The following L3MBTL2 variants were observed in gnomAD, a reference collection of about 807,000 sequenced individuals.
L3MBTL2 encodes the protein lethal(3)malignant brain tumor-like protein 2.
A neutral mutation model predicts 86.4 loss-of-function variants in L3MBTL2; 49 were observed. The observed-to-expected ratio is 0.57, with a 90% CI of 0.45 to 0.72. The LOEUF (loss-of-function observed/expected upper bound fraction) is 0.72, where lower values mean the gene tolerates loss of function less well. Among genes scored for constraint, L3MBTL2 ranks in the 30% least tolerant of loss-of-function variants. The pLI is 0.00. For synonymous variants in L3MBTL2, 336 were observed against 350.6 expected (o/e 0.96, Z 0.47); for missense variants, 755 against 923.7 (o/e 0.82, Z 2.37).
In L3MBTL2 at chr22:41,223,976, A is replaced by AGAGCCCT. The variant is rs748075801; in HGVS notation, c.943-38_943-32dup. The stretch of plus-strand genomic sequence containing the variant: ...CACCAGAGCAGGAGGGTGGGTGGGA[A>AGAGCCCT]GAGCCCTGAGCCATAGCAGGCCTGT... On this transcript the variant is annotated intron_variant, in intron 8 of 16. Coordinates refer to ENST00000216237, the MANE Select transcript of L3MBTL2 (RefSeq NM_031488.5). The AGAGCCCT allele has an allele frequency of 4.1e-5, 62 of 1,494,364 alleles. 1 individual carries two copies. The highest frequency in any genetic ancestry group is 5.4e-5 in the Non-Finnish European group (58 of 1,072,496). 92.6% of individuals were successfully genotyped at this position (1,494,364 alleles called of 1,614,324 possible).
intron 15 of L3MBTL2, 124 bp from the exon 16 acceptor site, chr22:41,229,416 T>G: frequency 9.4e-7 from 1 of 1,060,098 alleles, no homozygotes; most frequent in Non-Finnish European, 1.3e-6. Flanking sequence ...GAGTCCAGGC[T>G]TTCTGTCCCC....
chr22:41,211,480 C>T lies in L3MBTL2; in HGVS notation c.262+1547C>T, dbSNP rs554025201. Among the ~76,000 whole-genome samples the T allele has an allele frequency of 3.4e-4, 51 of 151,920 alleles. 2 individuals carry two copies. The South Asian group carries it at 0.01, about 30-fold the overall frequency. The stretch of plus-strand genomic sequence containing the variant: ...TCAGCCTCCCAAAGTGCTAGGATTA[C>T]AGGCATGAGCCACCGCACCCAGCCC... On this transcript the variant is annotated intron_variant, in intron 2 of 16. Transcript: ENST00000216237.
At chr22:41,205,752 T>C in intron 1 of L3MBTL2, among the ~76,000 whole-genome samples, 1 of 152,058 alleles carries the variant, frequency 6.6e-6, no homozygotes, top group East Asian at 1.9e-4. Context: ...TAAAGTTGGG[T>C]GAACATCACT....
rs2032265330 is a variant in L3MBTL2, at chr22:41,227,438, G to A, written c.1822+115G>A. On this transcript the variant is annotated intron_variant, in intron 14 of 16. Transcript: ENST00000216237. This position sits in a 1 kb window ranked among gnomAD's most constrained non-coding sequence, Gnocchi z 6.0. Reference sequence around the variant, plus strand: ...TGGCATGAGGTGGAGATGTCTCATGGACCACTTTAAGTAGAGAGTGAGCCC... The same window carrying A: ...TGGCATGAGGTGGAGATGTCTCATGAACCACTTTAAGTAGAGAGTGAGCCC... 4.1e-6 allele frequency: 5 copies of A among 1,220,792 alleles called. No homozygotes were observed. Among genetic ancestry groups the A allele is most frequent in the Middle Eastern group, 1.9e-4 (1 of 5,356 alleles). 75.6% of individuals were successfully genotyped at this position (1,220,792 alleles called of 1,614,324 possible).
chr22:41,227,660 G>T lies in L3MBTL2; in HGVS notation c.1823-144G>T. ...GTTCTCCGGCCCCTCCTCCAGCCCCGCCCTCTCCTCATTGCCCAGGTTTGG... is the reference window on the plus strand; with the variant it reads ...GTTCTCCGGCCCCTCCTCCAGCCCCTCCCTCTCCTCATTGCCCAGGTTTGG... On this transcript the variant is annotated intron_variant, in intron 14 of 16. Coordinates refer to ENST00000216237, the MANE Select transcript of L3MBTL2 (RefSeq NM_031488.5). This position sits in a 1 kb window ranked among gnomAD's most constrained non-coding sequence, Gnocchi z 6.0. The T allele has an allele frequency of 6.4e-7, 1 of 1,562,232 alleles. No homozygotes were observed. Among genetic ancestry groups the T allele is most frequent in the Non-Finnish European group, 8.7e-7 (1 of 1,153,186 alleles).
In L3MBTL2 at chr22:41,227,227, G is replaced by C. The variant is rs762696237; in HGVS notation, c.1726G>C (p.Glu576Gln). 1.9e-6 allele frequency: 3 copies of C among 1,613,384 alleles called. No individual in the cohort carries two copies. Among genetic ancestry groups the C allele is most frequent in the Non-Finnish European group, 2.5e-6 (3 of 1,179,980 alleles). ...CATCCACTTTGACGGCTGGGACAGC[G>C]AGTACGACCAGTGGGTGGACTGCGA... The part of the protein sequence containing the change: ...LSIHFDGWDS[E>Q]YDQWVDCESP... Residue 576 changes from glutamate (E) to glutamine (Q), a missense_variant, in exon 14 of 17, where the codon GAG becomes CAG. Glu to Gln is a conservative substitution (Grantham distance 29, BLOSUM62 2). Coordinates refer to ENST00000216237, the MANE Select transcript of L3MBTL2 (RefSeq NM_031488.5). This position sits in a 1 kb window ranked among gnomAD's most constrained non-coding sequence, Gnocchi z 6.0.
At chr22:41,219,300 C>T (rs1358043694) in intron 5 of L3MBTL2, 119 bp from the exon 6 acceptor site, 4 of 734,514 alleles carry the variant, frequency 5.4e-6, no homozygotes, top group Non-Finnish European at 9.9e-6. Context: ...GTTCTGCACA[C>T]AGTGGGTGAT....
chr22:41,226,685 T>C lies in L3MBTL2; in HGVS notation c.1528T>C (p.Trp510Arg). ...AGGTTATGAGGCACAGACTTTCAAC[T>C]GGGAGAACTACTTGGAGAAGACCAA... ...PKGYEAQTFNWENYLEKTKSK... is the reference protein window; with the variant it reads ...PKGYEAQTFNRENYLEKTKSK... Residue 510 changes from tryptophan to arginine, a missense_variant, in exon 13 of 17, where the codon TGG becomes CGG. Physicochemically the swap from Trp to Arg is moderately radical, Grantham distance 101. This residue lies in a region of L3MBTL2 where 634 missense variants were observed against 748.9 expected (regional missense o/e 0.85). Transcript: ENST00000216237. The C allele has an allele frequency of 1.2e-6, 2 of 1,613,886 alleles. No individual in the cohort carries two copies. The highest frequency in any genetic ancestry group is 1.7e-6 in the Non-Finnish European group (2 of 1,179,788).
rs9623351 is a variant in L3MBTL2 at position 41,228,931 on chromosome 22, G to A, written c.1889-609G>A. Among the ~76,000 whole-genome samples, 416 of 152,146 alleles carry A rather than the reference G, an allele frequency of 2.7e-3. 2 individuals are homozygous for A. Among genetic ancestry groups the A allele is most frequent in the African/African-American group, 9.5e-3 (393 of 41,488 alleles). On this transcript the variant is annotated intron_variant, in intron 15 of 16. Transcript: ENST00000216237. ...TCTGTACCATTCAAACGGTAGGACCGGGAATGGTGCATGTTGTGGGAAGAA... is the reference window on the plus strand; with the variant it reads ...TCTGTACCATTCAAACGGTAGGACCAGGAATGGTGCATGTTGTGGGAAGAA...
At position 41,227,026 on chromosome 22, in the gene L3MBTL2, G is replaced by A. The variant is rs921924040; in HGVS notation, c.1588-63G>A. On this transcript the variant is annotated intron_variant, in intron 13 of 16. Transcript: ENST00000216237. The surrounding 1 kb of genome is among the most constrained non-coding windows in gnomAD (Gnocchi z 6.0). ...CCAGTTCTTCAAGTGCCTCCGGGCC[G>A]GGGCAAGCCTGCTGGGGTAGGGAGC... 5.5e-5 allele frequency: 79 copies of A among 1,443,094 alleles called. No homozygotes were observed. The highest frequency in any genetic ancestry group is 2.2e-4 in the Admixed American group (11 of 50,888). The allele number at this position is 1,443,094 out of a possible 1,614,324, so 89.4% of individuals were successfully genotyped here.
chr22:41,215,474 T>C (rs1013893314), intron 3 of L3MBTL2, among the ~76,000 whole-genome samples: 1 of 152,242 alleles, frequency 6.6e-6, no homozygotes, highest in African/African-American at 2.4e-5. Flanking sequence ...TGTTTGGGAC[T>C]TAAACCCAGA....
chr22:41,221,586 A>G (rs2031821536), intron 8 of L3MBTL2, among the ~76,000 whole-genome samples: 2 of 152,146 alleles, frequency 1.3e-5, no homozygotes, highest in African/African-American at 4.8e-5. Flanking sequence ...AGAAGTGTTC[A>G]CTCAATAGAT....
intron 1 of L3MBTL2, 39 bp downstream of exon 1, chr22:41,205,425 C>T: frequency 6.2e-7 from 1 of 1,612,218 alleles, no homozygotes; most frequent in Non-Finnish European, 8.5e-7. Context: ...GGAAAGGGAA[C>T]TCCGAGAGCC....
At chr22:41,222,487 A>G (rs2031892718) in intron 8 of L3MBTL2, among the ~76,000 whole-genome samples, 1 of 152,202 alleles carries the variant, frequency 6.6e-6, no homozygotes, top group South Asian at 2.1e-4. Context: ...AAAGTCACAT[A>G]TATACATGGT....
At chr22:41,212,754 G>A (rs2030992833) in intron 2 of L3MBTL2, among the ~76,000 whole-genome samples, 1 of 151,778 alleles carries the variant, frequency 6.6e-6, no homozygotes, top group East Asian at 1.9e-4. Flanking sequence ...AATTAGCCAG[G>A]CGTGGTGGCA....
Position 41,225,124 on chromosome 22 carries a change from T to C in L3MBTL2, c.1356+53T>C, listed in dbSNP as rs2032090542. The C allele has an allele frequency of 1.4e-6, 2 of 1,468,254 alleles. No homozygotes were observed. The highest frequency in any genetic ancestry group is 1.4e-5 in the African/African-American group (1 of 71,888). 91.0% of individuals were successfully genotyped at this position (1,468,254 alleles called of 1,614,324 possible). On this transcript the variant is annotated intron_variant, in intron 11 of 16. Coordinates refer to ENST00000216237, the MANE Select transcript of L3MBTL2 (RefSeq NM_031488.5). The surrounding 1 kb of genome is among the most constrained non-coding windows in gnomAD (Gnocchi z 4.1). ...CCAGATTTCTGAGCGGGGGGACCCA[T>C]GTGGCCCAGAGCTCTAACCCCACTC...
chr22:41,221,075 C>T, intron 7 of L3MBTL2, 124 bp from the exon 8 acceptor site: 15 of 973,250 alleles, frequency 1.5e-5, no homozygotes, highest in Non-Finnish European at 2.3e-5. Context: ...TCATTGCTGG[C>T]CTGAAGAGGC....
intron 8 of L3MBTL2, among the ~76,000 whole-genome samples, chr22:41,222,299 C>A (rs2031882404): frequency 6.6e-6 from 1 of 152,174 alleles, no homozygotes; most frequent in Non-Finnish European, 1.5e-5. Flanking sequence ...AAGCCATGCA[C>A]ACAAGTAATT....
chr22:41,214,880 G>C (rs1177433922), intron 3 of L3MBTL2, among the ~76,000 whole-genome samples: 1 of 152,114 alleles, frequency 6.6e-6, no homozygotes, highest in East Asian at 1.9e-4. Context: ...GCGTGGTGTT[G>C]TACGCCTGTA....
Sources: gnomAD v4.1 joint callset for allele counts (sites outside exome capture counted in the v4.1 genomes callset) on GRCh38, gnomAD v4.1.1 for gene constraint, gnomAD v4.1.1 regional missense constraint, Gnocchi (gnomAD v3.1) non-coding constraint, MANE v1.5 for transcripts, NCBI Gene and HGNC (gene_info 2026-07-23, HGNC 2026-07-21) for gene names.